Variants in GALK1 observed in about 807,000 individuals in gnomAD.
The protein encoded by GALK1 is galactokinase.
A neutral mutation model predicts 38.6 loss-of-function variants in GALK1; 30 were observed. That is an observed-to-expected ratio of 0.78 (90% confidence interval 0.58 to 1.05). The LOEUF is 1.05. Ranked by LOEUF, GALK1 falls within the 50% of genes least tolerant of loss-of-function variation. The pLI, the probability that GALK1 is intolerant of heterozygous loss-of-function variation, is 0.00. For synonymous variants in GALK1, 240 were observed against 233.6 expected (o/e 1.03, Z -0.25); for missense variants, 512 against 540.5 (o/e 0.95, Z 0.52).
At chr17:75,755,744 G>C (rs777943027), downstream of GALK1, 1 of 1,612,916 alleles carries the variant, frequency 6.2e-7, no homozygotes. Flanking sequence ...CCACCCGCCT[G>C]GTGTTCTCTG....
At chr17:75,762,929 T>C in intron 4 of GALK1, 44 bp from the exon 5 acceptor site, 2 of 1,599,352 alleles carry the variant, frequency 1.3e-6, no homozygotes, top group Non-Finnish European at 1.7e-6. Flanking sequence ...GCCAAGCGTG[T>C]GCTTGCTGCG....
At chr17:75,753,890 G>A (rs752481919), downstream of GALK1, 1 of 1,312,844 alleles carries the variant, frequency 7.6e-7, no homozygotes. Flanking sequence ...CGACGCCGAG[G>A]CGCCCCACGG....
chr17:75,753,521 C>G (rs1204392791), downstream of GALK1, among the ~76,000 whole-genome samples: 1 of 152,180 alleles, frequency 6.6e-6, no homozygotes, highest in Non-Finnish European at 1.5e-5. Flanking sequence ...CCGGGGGTCT[C>G]TCCTCCCCAG....
At position 75,763,445 on chromosome 17, in the gene GALK1, G is replaced by T. The variant is rs780140518; in HGVS notation, c.356-6C>A. 1 of 1,587,824 alleles carries T rather than the reference G, an allele frequency of 6.3e-7. No individual in the cohort carries two copies. Among genetic ancestry groups the T allele is most frequent in the South Asian group, 1.1e-5 (1 of 88,010 alleles). On this transcript the variant is annotated splice_region_variant and splice_polypyrimidine_tract_variant and intron_variant, in intron 2 of 7. Transcript: ENST00000588479. ...GAAGCCAGGGAGGGGGGCAGCTGCAGGGGAAAGAACAGGTGATGGTAAGAG... is the reference window on the plus strand; with the variant it reads ...GAAGCCAGGGAGGGGGGCAGCTGCATGGGAAAGAACAGGTGATGGTAAGAG...
downstream of GALK1, chr17:75,757,709 G>A (rs2061554221): frequency 9.4e-7 from 1 of 1,060,872 alleles, no homozygotes; most frequent in African/African-American, 1.6e-5. Context: ...GGCATGAAGG[G>A]GGCAAGGTCC....
At chr17:75,755,001 C>G (rs1218401546), downstream of GALK1, 2 of 1,562,430 alleles carry the variant, frequency 1.3e-6, no homozygotes, top group Non-Finnish European at 1.7e-6. Flanking sequence ...CGCACACGTA[C>G]ACACATGCAT....
intron 1 of GALK1, chr17:75,764,586 G>T: frequency 2.2e-6 from 1 of 451,766 alleles, no homozygotes; most frequent in Non-Finnish European, 4.3e-6. Context: ...AACGGGCTGG[G>T]CCAGAAGGCT....
chr17:75,753,671 G>C (rs1286910995), downstream of GALK1: 1 of 817,540 alleles, frequency 1.2e-6, no homozygotes, highest in Non-Finnish European at 1.6e-6. Context: ...CTGGAGACGG[G>C]CTCCCCTCGC....
downstream of GALK1, chr17:75,757,327 AG>A: frequency 6.2e-7 from 1 of 1,612,412 alleles, no homozygotes; most frequent in Non-Finnish European, 8.5e-7. Context: ...ACTGAGGGCT[AG>A]GGGATCCCGG....
At chr17:75,763,777 A>G (rs2061598174) in intron 2 of GALK1, 120 bp downstream of exon 2, 11 of 1,035,676 alleles carry the variant, frequency 1.1e-5, no homozygotes, top group Non-Finnish European at 1.5e-5. Flanking sequence ...CATCTGTACA[A>G]TGGGATGCTC....
chr17:75,754,830 C>T, downstream of GALK1: 1 of 1,613,908 alleles, frequency 6.2e-7, no homozygotes, highest in Non-Finnish European at 8.5e-7. Context: ...GTGACCTCAG[C>T]CAACCCTGCC....
downstream of GALK1, chr17:75,755,926 C>A: frequency 6.6e-7 from 1 of 1,524,392 alleles, no homozygotes. Flanking sequence ...TAGGGTACCT[C>A]AGCTGTGTCA....
intron 5 of GALK1, among the ~76,000 whole-genome samples, chr17:75,762,050 C>T (rs990747736): frequency 1.3e-5 from 2 of 152,046 alleles, no homozygotes; most frequent in African/African-American, 2.4e-5. Context: ...ATGGGCTGGG[C>T]GCAGTGGCTC....
Position 75,758,369 on chromosome 17 carries a change from G to C in GALK1, c.948C>G (p.Asp316Glu). ...GCTCTGGGCAGCTCACCTCATAGTC[G>C]TCTCTGCAGAGAGGATATTGAAGGG... ...LMVESHRSLR[D>E]DYEVSCPELD... Residue 316 changes from aspartate (D) to glutamate (E), a missense_variant, in exon 7 of 8, where the codon GAC (aspartate) becomes GAG (glutamate). Asp to Glu is a conservative substitution (Grantham distance 45). Transcript: ENST00000588479. The C allele has an allele frequency of 6.3e-7, 1 of 1,589,400 alleles. No individual in the cohort carries two copies. Among genetic ancestry groups the C allele is most frequent in the Non-Finnish European group, 8.6e-7 (1 of 1,168,658 alleles).
At chr17:75,754,997 C>G, downstream of GALK1, 1 of 1,558,306 alleles carries the variant, frequency 6.4e-7, no homozygotes, top group Non-Finnish European at 8.7e-7. Flanking sequence ...CATGCGCACA[C>G]GTACACACAT....
Position 75,758,357 on chromosome 17 carries a change from C to G in GALK1, c.960G>C (p.Val320=). 6.3e-7 allele frequency: 1 copy of G among 1,593,738 alleles called. No individual in the cohort carries two copies. The highest frequency in any genetic ancestry group is 8.5e-7 in the Non-Finnish European group (1 of 1,170,890). Residue 320 remains valine (V), a synonymous_variant, in exon 7 of 8, where the codon GTG becomes GTC. Coordinates refer to ENST00000588479, the MANE Select transcript of GALK1 (RefSeq NM_000154.2). ...SHRSLRDDYE[V]SCPELDQLVE... is the part of the protein sequence containing the mutation. Reference sequence around the variant, plus strand: ...CCAGCTGGTCCAGCTCTGGGCAGCTCACCTCATAGTCGTCTCTGCAGAGAG... The same window carrying G: ...CCAGCTGGTCCAGCTCTGGGCAGCTGACCTCATAGTCGTCTCTGCAGAGAG...
chr17:75,753,842 C>T, downstream of GALK1: 7 of 1,433,100 alleles, frequency 4.9e-6, no homozygotes, highest in Non-Finnish European at 6.4e-6. Context: ...GCCCCCGGAG[C>T]TCATCCCGCG....
intron 8 of GALK1, among the ~76,000 whole-genome samples, chr17:75,752,803 G>A (rs1002957055): frequency 5.9e-5 from 9 of 152,166 alleles, no homozygotes; most frequent in Non-Finnish European, 1.0e-4. Context: ...TCATGCCCAC[G>A]GGACCACGAA....
At chr17:75,759,168 C>CT (rs2061573884) in intron 5 of GALK1, among the ~76,000 whole-genome samples, 1 of 152,162 alleles carries the variant, frequency 6.6e-6, no homozygotes, top group Non-Finnish European at 1.5e-5. Flanking sequence ...TGGCTCACAC[C>CT]TGTAATCCCA....
Sources: gnomAD v4.1 joint callset for allele counts (sites outside exome capture counted in the v4.1 genomes callset) on GRCh38, gnomAD v4.1.1 for gene constraint, MANE v1.5 for transcripts, NCBI Gene and HGNC (gene_info 2026-07-23, HGNC 2026-07-21) for gene names.